GAS7: variants seen among roughly 807,000 people sequenced by gnomAD.
The protein encoded by GAS7 is growth arrest specific 7.
A neutral mutation model predicts 71.1 loss-of-function variants in GAS7; 28 were observed. The ratio of observed to expected loss-of-function variants is 0.39; its 90% confidence interval spans 0.29 to 0.54. The LOEUF is 0.54. Among genes scored for constraint, GAS7 ranks in the 20% least tolerant of loss-of-function variants. GAS7 has a pLI of 0.62. For missense variants in GAS7, 436 were observed against 627.8 expected, an observed-to-expected ratio of 0.69 and a Z score of 3.27; for synonymous variants, 258 against 245.8, an observed-to-expected ratio of 1.05 and a Z score of -0.46.
chr17:10,154,590 A>G (rs2074190708), intron 1 of GAS7, among the ~76,000 whole-genome samples: 1 of 152,068 alleles, frequency 6.6e-6, no homozygotes, highest in African/African-American at 2.4e-5. Flanking sequence ...AGGCCAGAGG[A>G]TCACTTGAGG....
chr17:10,045,833 C>T (rs1403098785), intron 1 of GAS7, among the ~76,000 whole-genome samples: 1 of 152,196 alleles, frequency 6.6e-6, no homozygotes, highest in East Asian at 1.9e-4. Context: ...ACTGTGACAC[C>T]TTGTTCCATC....
chr17:10,147,355 C>T (rs11870310), intron 1 of GAS7, among the ~76,000 whole-genome samples: 14,158 of 152,170 alleles, frequency 0.093, 1,468 homozygotes, highest in African/African-American at 0.25. Flanking sequence ...TATGTGTCTG[C>T]GTGTTTAATC....
At chr17:10,070,808 A>G (rs1353829881) in intron 1 of GAS7, among the ~76,000 whole-genome samples, 1 of 152,076 alleles carries the variant, frequency 6.6e-6, no homozygotes, top group Non-Finnish European at 1.5e-5. Context: ...AGGCAGAGGC[A>G]GAATGGGGAC....
At chr17:10,089,159 CAAAAAAGAA>C (rs1193634051) in intron 1 of GAS7, among the ~76,000 whole-genome samples, 3 of 149,206 alleles carry the variant, frequency 2.0e-5, no homozygotes, top group African/African-American at 7.4e-5. Flanking sequence ...GACTCTGTCT[CAAAAAAGAA>C]AAAAAAGAAA....
intron 7 of GAS7, among the ~76,000 whole-genome samples, chr17:9,940,612 G>A (rs1169841186): frequency 1.3e-5 from 2 of 152,134 alleles, no homozygotes; most frequent in African/African-American, 4.8e-5. Context: ...TCCAGCCCCA[G>A]AACTCCCAGG....
At position 9,959,200 on chromosome 17, in the gene GAS7, AC is replaced by A; in HGVS notation, c.525+1del. On this transcript the variant is annotated splice_donor_variant, in intron 5 of 13. Coordinates refer to ENST00000432992, the MANE Select transcript of GAS7 (RefSeq NM_201433.2). LOFTEE classifies it high-confidence loss of function. The surrounding 1 kb of genome is among the most constrained non-coding windows in gnomAD (Gnocchi z 5.0). ...TGAGGGCGCCCCTCGGGAGCCACTTACTGTGATGGTGTTTTCCTTGCTCTGC... is the reference window on the plus strand; with the variant it reads ...TGAGGGCGCCCCTCGGGAGCCACTTATGTGATGGTGTTTTCCTTGCTCTGC... 1 of 1,613,870 alleles carries A rather than the reference AC, an allele frequency of 6.2e-7. No individual in the cohort carries two copies. Among genetic ancestry groups the A allele is most frequent in the East Asian group, 2.2e-5 (1 of 44,862 alleles).
Position 9,911,594 on chromosome 17 carries a change from G to A in GAS7, c.*5634C>T, listed in dbSNP as rs1356926028. The A allele has an allele frequency of 2.1e-5, 5 of 232,858 alleles. No homozygotes were observed. Among genetic ancestry groups the A allele is most frequent in the Admixed American group, 1.1e-4 (2 of 17,794 alleles). 14.4% of individuals were successfully genotyped at this position (232,858 alleles called of 1,614,324 possible). On this transcript the variant is annotated 3_prime_UTR_variant, in exon 14 of 14. Coordinates refer to ENST00000432992, the MANE Select transcript of GAS7 (RefSeq NM_201433.2). The surrounding 1 kb of genome is among the most constrained non-coding windows in gnomAD (Gnocchi z 4.0). ...GGTTTTTGCCCTCTGTCTGATTCTC[G>A]CTCTAACCTGCTGCAATGGGAATTG... is the stretch of plus-strand genomic sequence containing the variant.
chr17:10,064,337 G>C (rs1416849303), intron 1 of GAS7, among the ~76,000 whole-genome samples: 1 of 152,224 alleles, frequency 6.6e-6, no homozygotes, highest in African/African-American at 2.4e-5. Flanking sequence ...ACAAAGCACA[G>C]CAGGCTCTCG....
Position 10,034,929 on chromosome 17 carries a change from T to A in GAS7, c.184-15032A>T, listed in dbSNP as rs1364696607. 6.6e-6 allele frequency among the ~76,000 whole-genome samples: 1 copy of A among 152,178 alleles called. No homozygotes were observed. On this transcript the variant is annotated intron_variant, in intron 1 of 13. Coordinates refer to ENST00000432992, the MANE Select transcript of GAS7 (RefSeq NM_201433.2). The surrounding 1 kb of genome is among the most constrained non-coding windows in gnomAD (Gnocchi z 4.4). ...CCCTGGAATCCTGGGCTTCTGTCTCTGCATCACCCTGGATGCACCAAAGGC... is the reference window on the plus strand; with the variant it reads ...CCCTGGAATCCTGGGCTTCTGTCTCAGCATCACCCTGGATGCACCAAAGGC...
intron 1 of GAS7, among the ~76,000 whole-genome samples, chr17:10,076,181 G>A (rs533461261): frequency 5.2e-4 from 61 of 117,562 alleles, no homozygotes; most frequent in Non-Finnish European, 7.9e-4. Context: ...GAAAGGGAAA[G>A]GGAAGTGGAA....
chr17:10,159,002 G>T (rs565748067), intron 1 of GAS7, among the ~76,000 whole-genome samples: 8 of 144,344 alleles, frequency 5.5e-5, no homozygotes, highest in African/African-American at 1.8e-4. Flanking sequence ...GGAGGCTGCA[G>T]TGAGCCAAGA....
intron 1 of GAS7, among the ~76,000 whole-genome samples, chr17:10,083,695 C>G (rs1037542949): frequency 6.6e-6 from 1 of 152,200 alleles, no homozygotes; most frequent in Non-Finnish European, 1.5e-5. Flanking sequence ...GGGTGGTCCC[C>G]CTACCTGAAG....
intron 1 of GAS7, among the ~76,000 whole-genome samples, chr17:10,187,225 C>T (rs1276392346): frequency 6.6e-6 from 1 of 152,180 alleles, no homozygotes; most frequent in South Asian, 2.1e-4. Context: ...GAGCATTCCA[C>T]ACACTGGGCG....
At chr17:9,918,797 G>A (rs554690570) in intron 12 of GAS7, among the ~76,000 whole-genome samples, 12 of 152,284 alleles carry the variant, frequency 7.9e-5, no homozygotes, top group African/African-American at 2.4e-4. Flanking sequence ...TAGGGGATCC[G>A]GCTGTTACTC....
At chr17:10,171,355 G>T (rs937786852) in intron 1 of GAS7, among the ~76,000 whole-genome samples, 1 of 152,178 alleles carries the variant, frequency 6.6e-6, no homozygotes, top group Non-Finnish European at 1.5e-5. Context: ...CCCATTCACA[G>T]CTGGCTCCCT....
rs79476325 is a variant in GAS7, at chr17:10,037,794, T to C, written c.184-17897A>G. ...CCTAGTGGACGAAGTAAATGCTCAA[T>C]GAAAGCTAGGATTTTTGTTGTTACT... On this transcript the variant is annotated intron_variant, in intron 1 of 13. Coordinates refer to ENST00000432992, the MANE Select transcript of GAS7 (RefSeq NM_201433.2). Among the ~76,000 whole-genome samples, 957 of 152,150 alleles carry C rather than the reference T, an allele frequency of 6.3e-3. 27 individuals carry two copies. The East Asian group carries it at 0.1, about 16-fold the overall frequency.
chr17:10,178,021 G>C (rs951275899), intron 1 of GAS7, among the ~76,000 whole-genome samples: 3 of 152,014 alleles, frequency 2.0e-5, no homozygotes, highest in Admixed American at 2.0e-4. Flanking sequence ...TCAGCATTTA[G>C]CATCACATAA....
chr17:10,141,366 T>A lies in GAS7; in HGVS notation c.183+56842A>T, dbSNP rs185537480. ...GGGAGGCTGAGGCAGGAGAATGGTG[T>A]GAACCCGGGAGACGGAGCTTGCAGT... On this transcript the variant is annotated intron_variant, in intron 1 of 13. Transcript: ENST00000432992. Among the ~76,000 whole-genome samples the A allele has an allele frequency of 2.9e-3, 436 of 151,924 alleles. 4 individuals are homozygous for A. Among genetic ancestry groups the A allele is most frequent in the African/African-American group, 0.01 (422 of 41,426 alleles).
At position 9,926,836 on chromosome 17, in the gene GAS7, G is replaced by A; in HGVS notation, c.886-67C>T. 6.5e-7 allele frequency: 1 copy of A among 1,546,286 alleles called. No homozygotes were observed. The highest frequency in any genetic ancestry group is 2.3e-5 in the East Asian group (1 of 44,350). On this transcript the variant is annotated intron_variant, in intron 9 of 13. Coordinates refer to ENST00000432992, the MANE Select transcript of GAS7 (RefSeq NM_201433.2). This position sits in a 1 kb window ranked among gnomAD's most constrained non-coding sequence, Gnocchi z 5.0. Reference sequence around the variant, plus strand: ...CAGCTGTAAGCCAGTGCAGGGAGGAGGGATGGGAGGGGCACCCCCACTTCC... The same window carrying A: ...CAGCTGTAAGCCAGTGCAGGGAGGAAGGATGGGAGGGGCACCCCCACTTCC...
Sources: gnomAD v4.1 joint callset for allele counts (sites outside exome capture counted in the v4.1 genomes callset) on GRCh38, gnomAD v4.1.1 for gene constraint, Gnocchi (gnomAD v3.1) non-coding constraint, MANE v1.5 for transcripts, NCBI Gene and HGNC (gene_info 2026-07-23, HGNC 2026-07-21) for gene names.